Variants in FAAH2 observed in about 807,000 individuals in gnomAD.
FAAH2 encodes the protein fatty-acid amide hydrolase 2.
FAAH2 carries 60 observed loss-of-function variants against 36.9 expected under a neutral mutation model. The observed-to-expected ratio is 1.63, with a 90% CI of 1.32 to 2.02. FAAH2 has a LOEUF of 2.02. FAAH2 is among the 30% of genes most tolerant of loss of function. The probability of loss-of-function intolerance (pLI) is 0.00; values close to 1 mark genes in which losing one functional copy is unlikely to be tolerated. For missense variants in FAAH2, 689 were observed against 397.5 expected, an observed-to-expected ratio of 1.73 and a Z score of -6.23; for synonymous variants, 214 against 143.8, an observed-to-expected ratio of 1.49 and a Z score of -3.49.
the FAAH2 span, among the ~76,000 whole-genome samples, chrX:57,183,772 C>T: frequency 4.5e-5 from 5 of 111,098 alleles, no homozygotes; most frequent in South Asian, 7.6e-4. Flanking sequence ...AGAATAACAG[C>T]GATTTTTAGG....
chrX:57,433,231 C>A (rs940493778), intron 8 of FAAH2, among the ~76,000 whole-genome samples: 3 of 111,294 alleles, frequency 2.7e-5, no homozygotes, highest in Non-Finnish European at 3.8e-5. Flanking sequence ...ACTGTCAAAA[C>A]TGGTCCTGTA....
At chrX:57,331,170 G>C (rs890054581) in intron 3 of FAAH2, among the ~76,000 whole-genome samples, 3 of 111,909 alleles carry the variant, frequency 2.7e-5, no homozygotes, top group Non-Finnish European at 5.6e-5. Context: ...CTCTGCTCCA[G>C]CTTGAGTTCT....
At chrX:57,271,323 C>T in the FAAH2 span, among the ~76,000 whole-genome samples, 1 of 112,549 alleles carries the variant, frequency 8.9e-6, no homozygotes, top group Non-Finnish European at 1.9e-5. Context: ...AAGGTAGCAG[C>T]CCCAGTCAGG....
intron 10 of FAAH2, among the ~76,000 whole-genome samples, chrX:57,473,816 T>C (rs886457898): frequency 2.7e-5 from 3 of 111,687 alleles, no homozygotes; most frequent in South Asian, 3.7e-4. Flanking sequence ...TTTTATCTGA[T>C]ATGAAAGTGG....
chrX:57,344,738 T>C lies in FAAH2; in HGVS notation c.742+3348T>C, dbSNP rs2053774453. On this transcript the variant is annotated intron_variant, in intron 5 of 10. Transcript: ENST00000374900. ...GCTGTGGGTTTGTCATAATTAGCTC[T>C]TATTATTTTGATGTATGCTCTTTTG... Among the ~76,000 whole-genome samples the C allele has an allele frequency of 2.7e-5, 3 of 111,560 alleles. No homozygotes were observed. In the South Asian group the frequency reaches 1.1e-3, roughly 42 times the overall value.
At chrX:57,301,607 TATAATAATAATA>T (rs200729067) in intron 2 of FAAH2, among the ~76,000 whole-genome samples, 7,975 of 100,053 alleles carry the variant, frequency 0.08, 271 homozygotes, top group Middle Eastern at 0.32. Flanking sequence ...AAACTTAAAG[TATAATAATAATA>T]ATAATAATAA....
At chrX:57,345,872 A>G (rs945126629) in intron 5 of FAAH2, among the ~76,000 whole-genome samples, 9 of 111,354 alleles carry the variant, frequency 8.1e-5, no homozygotes, top group African/African-American at 2.6e-4. Flanking sequence ...CCTTAATTTC[A>G]TCGTTCACCC....
chrX:57,165,234 C>T, the FAAH2 span, among the ~76,000 whole-genome samples: 39 of 111,927 alleles, frequency 3.5e-4, no homozygotes, highest in South Asian at 0.012. Flanking sequence ...TAAAGACACA[C>T]GCACATGTAT....
intron 8 of FAAH2, 30 bp from the exon 9 acceptor site, chrX:57,446,898 T>A: frequency 1.8e-6 from 2 of 1,093,539 alleles, no homozygotes; most frequent in Non-Finnish European, 1.3e-6. Context: ...GAAAATACTC[T>A]TGTATTTTAT....
chrX:57,155,366 T>C, the FAAH2 span, among the ~76,000 whole-genome samples: 1 of 111,422 alleles, frequency 9.0e-6, no homozygotes, highest in East Asian at 2.8e-4. Context: ...GGGGGTGTGA[T>C]TCCCAGTCAA....
intron 7 of FAAH2, chrX:57,393,610 T>C (rs1289660517): frequency 7.9e-6 from 7 of 881,044 alleles, no homozygotes; most frequent in Non-Finnish European, 1.2e-5. Flanking sequence ...TCATAAGCAC[T>C]ATCAATGCAC....
the FAAH2 span, among the ~76,000 whole-genome samples, chrX:57,269,523 A>T: frequency 8.0e-5 from 9 of 111,928 alleles, no homozygotes; most frequent in Non-Finnish European, 1.7e-4. Flanking sequence ...CATAACAAAT[A>T]GTCTCTAGGA....
chrX:57,295,624 C>T (rs1048454457), intron 2 of FAAH2, among the ~76,000 whole-genome samples: 1 of 111,931 alleles, frequency 8.9e-6, no homozygotes, highest in Non-Finnish European at 1.9e-5. Flanking sequence ...ACAGTGGGTG[C>T]AGTGCACCGT....
chrX:57,446,066 T>A (rs2056667777), intron 8 of FAAH2, among the ~76,000 whole-genome samples: 1 of 112,084 alleles, frequency 8.9e-6, no homozygotes, highest in Non-Finnish European at 1.9e-5. Flanking sequence ...CTAGCATAAT[T>A]TTTCCCTATG....
At chrX:57,352,045 TATGTGTATATATATATATATACAC>T (rs2054017724) in intron 5 of FAAH2, among the ~76,000 whole-genome samples, 1 of 16,720 alleles carries the variant, frequency 6.0e-5, no homozygotes, top group Non-Finnish European at 1.1e-4. Flanking sequence ...TACATATATA[TATGTGTATATATATATATATACAC>T]ATATATATAT....
At chrX:57,342,178 C>T (rs2053703854) in intron 5 of FAAH2, among the ~76,000 whole-genome samples, 1 of 111,731 alleles carries the variant, frequency 9.0e-6, no homozygotes, top group African/African-American at 3.3e-5. Flanking sequence ...CCATGGAATG[C>T]TATGTAGCCA....
the FAAH2 span, among the ~76,000 whole-genome samples, chrX:57,138,641 G>A: frequency 9.0e-6 from 1 of 111,096 alleles, no homozygotes; most frequent in Non-Finnish European, 1.9e-5. Flanking sequence ...CTACCACGCT[G>A]TTTTTCATAA....
chrX:57,156,411 A>C, the FAAH2 span, among the ~76,000 whole-genome samples: 1 of 111,803 alleles, frequency 8.9e-6, no homozygotes. Flanking sequence ...TAGTGATATC[A>C]TGTCTCCTGG....
At chrX:57,477,199 T>C (rs1328580901) in intron 10 of FAAH2, among the ~76,000 whole-genome samples, 1 of 110,947 alleles carries the variant, frequency 9.0e-6, no homozygotes, top group Non-Finnish European at 1.9e-5. Flanking sequence ...TCTCAATCTC[T>C]TTCAGTTCTG....
Sources: gnomAD v4.1 joint callset for allele counts (sites outside exome capture counted in the v4.1 genomes callset) on GRCh38, gnomAD v4.1.1 for gene constraint, MANE v1.5 for transcripts, NCBI Gene and HGNC (gene_info 2026-07-23, HGNC 2026-07-21) for gene names.